RGS5: variants seen among roughly 807,000 people sequenced by gnomAD.
The protein encoded by RGS5 is regulator of G protein signaling 5.
RGS5 carries 20 observed loss-of-function variants against 18.9 expected under a neutral mutation model. That is an observed-to-expected ratio of 1.06 (90% CI 0.74 to 1.54). RGS5 has a LOEUF of 1.54. Ranked by LOEUF, RGS5 falls within the 40% of genes most tolerant of loss-of-function variation. RGS5 has a pLI of 0.00. For missense variants in RGS5, 201 were observed against 211.8 expected (o/e 0.95, Z 0.32); for synonymous variants, 57 against 76.2 (o/e 0.75, Z 1.31).
Position 163,242,211 on chromosome 1 carries a change from A to C in RGS5, c.-281+64022T>G, listed in dbSNP as rs138668798. ...AGGATAGAGAGATAATGGATCAAAC[A>C]TGGCATATTTTTTAAATATGTCAGA... On this transcript the variant is annotated intron_variant, in intron 2 of 5. Transcript: ENST00000618415. 8.5e-4 allele frequency among the ~76,000 whole-genome samples: 126 copies of C among 148,200 alleles called. 2 individuals carry two copies. In the East Asian group the frequency reaches 0.01, roughly 12 times the overall value.
intron 4 of RGS5, among the ~76,000 whole-genome samples, chr1:163,149,554 T>C (rs1370741598): frequency 2.0e-5 from 3 of 152,248 alleles, no homozygotes; most frequent in African/African-American, 7.2e-5. Context: ...TAAGTCATTC[T>C]GATACATATT....
chr1:163,213,507 C>G (rs1660150929), intron 1 of RGS5, among the ~76,000 whole-genome samples: 1 of 152,050 alleles, frequency 6.6e-6, no homozygotes, highest in Non-Finnish European at 1.5e-5. Context: ...AGGCAGCAAG[C>G]ATGGAGGCAA....
intron 2 of RGS5, among the ~76,000 whole-genome samples, chr1:163,239,397 A>AATT (rs1337282659): frequency 6.6e-6 from 1 of 151,538 alleles, no homozygotes; most frequent in Non-Finnish European, 1.5e-5. Context: ...GAGGCAGGAG[A>AATT]ATTTCTAGAA....
At position 163,196,191 on chromosome 1, in the gene RGS5, G is replaced by T. The variant is rs543589742; in HGVS notation, c.44+6601C>A. The stretch of plus-strand genomic sequence containing the variant: ...GTAGTGCAGATGCAATGTTATCTGA[G>T]AACTGATTAGAACTTTAAGGGAGGA... On this transcript the variant is annotated intron_variant, in intron 1 of 4. Coordinates refer to ENST00000313961, the MANE Select transcript of RGS5 (RefSeq NM_003617.4). 1.5e-3 allele frequency among the ~76,000 whole-genome samples: 225 copies of T among 152,276 alleles called. 1 individual carries two copies. Among genetic ancestry groups the T allele is most frequent in the African/African-American group, 5.3e-3 (219 of 41,560 alleles).
intron 2 of RGS5, among the ~76,000 whole-genome samples, chr1:163,248,051 T>C (rs2101696233): frequency 6.6e-6 from 1 of 152,338 alleles, no homozygotes; most frequent in Non-Finnish European, 1.5e-5. Flanking sequence ...TTAGAACAGC[T>C]GGTGCTCAGC....
At chr1:163,321,680 C>T (rs1189244395) in exon 1 of RGS5, 1 of 152,204 alleles carries the variant, frequency 6.6e-6, no homozygotes, top group East Asian at 1.9e-4. Flanking sequence ...CTTGGTTTTG[C>T]TCTTCAACTC....
At chr1:163,212,805 T>C (rs932108031) in intron 1 of RGS5, 4 of 152,268 alleles carry the variant, frequency 2.6e-5, no homozygotes, top group Non-Finnish European at 5.9e-5. Context: ...ATTATGTCTC[T>C]GTTTACCTCA....
At chr1:163,270,318 C>T (rs918255690) in intron 2 of RGS5, among the ~76,000 whole-genome samples, 8 of 142,604 alleles carry the variant, frequency 5.6e-5, no homozygotes, top group African/African-American at 1.6e-4. Context: ...TAGAGACTAA[C>T]CTGAGCAACA....
intron 1 of RGS5, among the ~76,000 whole-genome samples, chr1:163,171,709 T>C (rs1658308251): frequency 6.6e-6 from 1 of 152,214 alleles, no homozygotes; most frequent in Admixed American, 6.5e-5. Context: ...ATCGAATGTA[T>C]GTAAAAGAAT....
chr1:163,309,570 A>G (rs1424943810), intron 1 of RGS5, among the ~76,000 whole-genome samples: 1 of 152,144 alleles, frequency 6.6e-6, no homozygotes, highest in African/African-American at 2.4e-5. Flanking sequence ...GCAGCAATTT[A>G]GTCACATCTT....
intron 2 of RGS5, among the ~76,000 whole-genome samples, chr1:163,289,786 G>A (rs1019588946): frequency 2.0e-5 from 3 of 152,032 alleles, no homozygotes; most frequent in African/African-American, 7.2e-5. Context: ...AATTATTTAG[G>A]CAGATAGTGA....
At chr1:163,265,896 G>T (rs993994555) in intron 2 of RGS5, among the ~76,000 whole-genome samples, 13 of 151,988 alleles carry the variant, frequency 8.6e-5, no homozygotes, top group Non-Finnish European at 1.5e-5. Context: ...CTCCATCCCT[G>T]GCACTCACTT....
intron 2 of RGS5, among the ~76,000 whole-genome samples, chr1:163,223,532 A>G (rs1647273131): frequency 1.3e-5 from 2 of 152,130 alleles, no homozygotes; most frequent in Admixed American, 6.5e-5. Context: ...ATTTTTCAGC[A>G]TTCCTATATC....
chr1:163,168,445 C>G, intron 1 of RGS5, 77 bp from the exon 2 acceptor site: 4 of 1,067,758 alleles, frequency 3.7e-6, no homozygotes, highest in Non-Finnish European at 5.6e-6. Context: ...CTTCCTGTGT[C>G]AGAGAAACAA....
rs370865661 is a variant in RGS5 at position 163,257,662 on chromosome 1, C to T, written c.-281+48571G>A. On this transcript the variant is annotated intron_variant, in intron 2 of 5. Transcript: ENST00000618415. ...CTAGAAAGTATCTCACAGAATGTAA[C>T]TAGAAGTGACATTTCCTGGAAGGAA... is the stretch of plus-strand genomic sequence containing the variant. Among the ~76,000 whole-genome samples, 16 of 152,270 alleles carry T rather than the reference C, an allele frequency of 1.1e-4. No individual in the cohort carries two copies. The East Asian group carries it at 3.1e-3, about 29-fold the overall frequency.
At chr1:163,297,191 G>A (rs1166950139) in intron 2 of RGS5, among the ~76,000 whole-genome samples, 2 of 152,140 alleles carry the variant, frequency 1.3e-5, no homozygotes, top group African/African-American at 4.8e-5. Flanking sequence ...AGGCAAATCA[G>A]CAAGAGAGGA....
chr1:163,234,439 T>A (rs1262344341), intron 2 of RGS5, among the ~76,000 whole-genome samples: 2 of 152,206 alleles, frequency 1.3e-5, no homozygotes, highest in Non-Finnish European at 2.9e-5. Context: ...TTTGTACCTA[T>A]AATTATGAGG....
At chr1:163,189,311 A>G (rs1332130800) in intron 1 of RGS5, among the ~76,000 whole-genome samples, 1 of 152,234 alleles carries the variant, frequency 6.6e-6, no homozygotes, top group African/African-American at 2.4e-5. Flanking sequence ...AAGAGTAGTT[A>G]ACAAGAGGAT....
Position 163,168,277 on chromosome 1 carries a change from T to C in RGS5, c.136A>G (p.Lys46Glu). The C allele has an allele frequency of 6.2e-7, 1 of 1,613,702 alleles. No individual in the cohort carries two copies. The highest frequency in any genetic ancestry group is 8.5e-7 in the Non-Finnish European group (1 of 1,179,674). The change falls in exon 2 of 5, where the codon AAA (lysine) becomes GAA (glutamate). Residue 46 changes from lysine to glutamate, a missense_variant. Lys to Glu is a moderately conservative substitution (Grantham distance 56). Coordinates refer to ENST00000313961, the MANE Select transcript of RGS5 (RefSeq NM_003617.4). ...ACTCACTTCTGGGTCTTGGCTGGTT[T>C]CTCTGGCTTCTCATTGTACGGAATG... ...LVIPYNEKPE[K>E]PAKTQKTSLD...
Sources: allele counts gnomAD v4.1 joint callset (sites outside exome capture counted in the v4.1 genomes callset), GRCh38; gene constraint gnomAD v4.1.1; transcripts MANE v1.5; gene names NCBI Gene and HGNC (gene_info 2026-07-23, HGNC 2026-07-21).